The following CPA6 variants were observed in gnomAD, a reference collection of about 807,000 sequenced individuals.
CPA6 encodes carboxypeptidase A6.
In CPA6, 58 loss-of-function variants were observed where a neutral mutation model predicts 63.3. That is an observed-to-expected ratio of 0.92 (90% CI 0.74 to 1.14). The LOEUF (loss-of-function observed/expected upper bound fraction) is 1.14, where lower values mean the gene tolerates loss of function less well. Among genes scored for constraint, CPA6 ranks in the 50% most tolerant of loss-of-function variants. The probability of loss-of-function intolerance (pLI) is 0.00; values close to 1 mark genes in which losing one functional copy is unlikely to be tolerated. For synonymous variants in CPA6, 185 were observed against 179.0 expected, an observed-to-expected ratio of 1.03 and a Z score of -0.27; for missense variants, 565 against 526.6, an observed-to-expected ratio of 1.07 and a Z score of -0.71.
chr8:67,530,843 G>GA (rs1812462374), intron 2 of CPA6, among the ~76,000 whole-genome samples: 1 of 152,184 alleles, frequency 6.6e-6, no homozygotes, highest in African/African-American at 2.4e-5. Flanking sequence ...ATTTGATAAG[G>GA]AAGAACTTTG....
intron 2 of CPA6, among the ~76,000 whole-genome samples, chr8:67,527,535 C>A (rs1310653308): frequency 2.0e-5 from 3 of 152,170 alleles, no homozygotes; most frequent in African/African-American, 7.2e-5. Flanking sequence ...TTGAACTGAA[C>A]TACCTGATTC....
chr8:67,693,084 T>C (rs184443320), intron 1 of CPA6, among the ~76,000 whole-genome samples: 1 of 152,314 alleles, frequency 6.6e-6, no homozygotes, highest in East Asian at 1.9e-4. Flanking sequence ...GACTGCACAG[T>C]ATCAAAGCAC....
At chr8:67,577,731 C>T (rs1223088181) in intron 2 of CPA6, among the ~76,000 whole-genome samples, 1 of 152,110 alleles carries the variant, frequency 6.6e-6, no homozygotes. Flanking sequence ...AACTCACTCC[C>T]AGGAGAAATA....
intron 2 of CPA6, among the ~76,000 whole-genome samples, chr8:67,583,997 A>C (rs1813850136): frequency 6.6e-6 from 1 of 151,914 alleles, no homozygotes; most frequent in African/African-American, 2.4e-5. Context: ...CTCTACTAAA[A>C]ATACAAAAAA....
At chr8:67,455,682 A>AAAAAAAAT in intron 8 of CPA6, among the ~76,000 whole-genome samples, 1 of 150,232 alleles carries the variant, frequency 6.7e-6, no homozygotes, top group African/African-American at 2.4e-5. Flanking sequence ...AAAAAAAAAA[A>AAAAAAAAT]AAAAAAAAAA....
At chr8:67,496,733 G>C (rs1811727618) in intron 6 of CPA6, among the ~76,000 whole-genome samples, 1 of 151,402 alleles carries the variant, frequency 6.6e-6, no homozygotes, top group South Asian at 2.1e-4. Flanking sequence ...GCTAATTTTT[G>C]TATTTTTAGT....
intron 8 of CPA6, among the ~76,000 whole-genome samples, chr8:67,475,724 TCTC>T: frequency 1.3e-5 from 2 of 151,036 alleles, no homozygotes; most frequent in African/African-American, 4.9e-5. Flanking sequence ...TTCCTTCCCT[TCTC>T]TTTTTTTCTT....
chr8:67,585,981 C>T (rs1232537992), intron 2 of CPA6, among the ~76,000 whole-genome samples: 4 of 151,918 alleles, frequency 2.6e-5, no homozygotes, highest in African/African-American at 9.7e-5. Flanking sequence ...TTTGAGTTTG[C>T]TAGGCAGAAT....
Position 67,509,619 on chromosome 8 carries a change from C to A in CPA6, c.433-1G>T. 6.7e-7 allele frequency: 1 copy of A among 1,499,678 alleles called. No homozygotes were observed. The allele number at this position is 1,499,678 out of a possible 1,614,324, so 92.9% of individuals were successfully genotyped here. On this transcript the variant is annotated splice_acceptor_variant, in intron 4 of 10. Transcript: ENST00000297770. LOFTEE classifies it high-confidence loss of function. The stretch of plus-strand genomic sequence containing the variant: ...TCAGATGATGCATCCAATTTTGAAT[C>A]TAAGAGCAAATAAATAAAAACTATG...
At chr8:67,745,043 C>T (rs1324444568) in intron 1 of CPA6, among the ~76,000 whole-genome samples, 1 of 152,164 alleles carries the variant, frequency 6.6e-6, no homozygotes, top group Non-Finnish European at 1.5e-5. Context: ...CTCTTTTACA[C>T]TATTTCTAAA....
chr8:67,714,139 CTGTT>C (rs747590962), intron 1 of CPA6, among the ~76,000 whole-genome samples: 4 of 152,036 alleles, frequency 2.6e-5, no homozygotes, highest in African/African-American at 4.8e-5. Context: ...ATAAATGTAT[CTGTT>C]TATTATACCC....
At chr8:67,483,431 A>G (rs1811400929) in intron 8 of CPA6, 1 of 351,334 alleles carries the variant, frequency 2.8e-6, no homozygotes, top group African/African-American at 2.1e-5. Context: ...AAAAGGATAA[A>G]AAGATTTAAC....
intron 6 of CPA6, among the ~76,000 whole-genome samples, chr8:67,491,886 A>C (rs1196093099): frequency 6.6e-6 from 1 of 152,218 alleles, no homozygotes; most frequent in Non-Finnish European, 1.5e-5. Flanking sequence ...GATCGATTCT[A>C]CTATTTCTTT....
chr8:67,516,499 A>G (rs1563983158), intron 3 of CPA6, among the ~76,000 whole-genome samples: 1 of 152,182 alleles, frequency 6.6e-6, no homozygotes, highest in Non-Finnish European at 1.5e-5. Context: ...GGGATCAGTG[A>G]TGCATCTCCT....
rs1159331260 is a variant in CPA6, at chr8:67,652,019, T to G, written c.117-27768A>C. Among the ~76,000 whole-genome samples, 4 of 152,194 alleles carry G rather than the reference T, an allele frequency of 2.6e-5. No individual in the cohort carries two copies. The East Asian group carries it at 7.7e-4, about 29-fold the overall frequency. ...TTGTTTTTTTGTCCTTGGTGATAGT[T>G]TGCTGGGAATGATGGTTTCCAGTTT... On this transcript the variant is annotated intron_variant, in intron 1 of 10. Coordinates refer to ENST00000297770, the MANE Select transcript of CPA6 (RefSeq NM_020361.5).
chr8:67,457,168 G>A (rs1393256410), intron 8 of CPA6, among the ~76,000 whole-genome samples: 1 of 152,140 alleles, frequency 6.6e-6, no homozygotes, highest in Non-Finnish European at 1.5e-5. Context: ...CACAAGCACC[G>A]TTTATTTACC....
At chr8:67,696,783 C>T (rs1334665387) in intron 1 of CPA6, among the ~76,000 whole-genome samples, 2 of 151,958 alleles carry the variant, frequency 1.3e-5, no homozygotes, top group African/African-American at 4.8e-5. Flanking sequence ...ATACCATATC[C>T]TGGAAAAGGT....
At chr8:67,456,267 C>T (rs1810675294) in intron 8 of CPA6, among the ~76,000 whole-genome samples, 1 of 152,138 alleles carries the variant, frequency 6.6e-6, no homozygotes, top group African/African-American at 2.4e-5. Flanking sequence ...TGCAGTTTTC[C>T]TTGGATAAAA....
intron 2 of CPA6, among the ~76,000 whole-genome samples, chr8:67,540,374 G>A (rs1248032242): frequency 6.6e-6 from 1 of 152,130 alleles, no homozygotes; most frequent in Admixed American, 6.5e-5. Flanking sequence ...TCCTTCCTCT[G>A]GAAGCTTCAT....
Sources: gnomAD v4.1 joint callset for allele counts (sites outside exome capture counted in the v4.1 genomes callset) on GRCh38, gnomAD v4.1.1 for gene constraint, MANE v1.5 for transcripts, NCBI Gene and HGNC (gene_info 2026-07-23, HGNC 2026-07-21) for gene names.